Variants in ARHGAP28 observed in about 807,000 individuals in gnomAD.
ARHGAP28 encodes rho GTPase-activating protein 28.
A neutral mutation model predicts 90.7 loss-of-function variants in ARHGAP28; 56 were observed. The observed-to-expected ratio is 0.62, with a 90% CI of 0.50 to 0.77. The LOEUF (loss-of-function observed/expected upper bound fraction) is 0.77, where lower values mean the gene tolerates loss of function less well. ARHGAP28 is among the 30% of genes least tolerant of loss of function. The pLI, the probability that ARHGAP28 is intolerant of heterozygous loss-of-function variation, is 0.00. For synonymous variants in ARHGAP28, 308 were observed against 323.3 expected (o/e 0.95, Z 0.51); for missense variants, 869 against 900.9 (o/e 0.96, Z 0.45).
At chr18:6,897,366 T>G (rs961002369) in intron 16 of ARHGAP28, 4 of 152,258 alleles carry the variant, frequency 2.6e-5, no homozygotes, top group African/African-American at 9.6e-5. Context: ...CCATAGCTGT[T>G]ACTTTCCTTT....
intron 3 of ARHGAP28, among the ~76,000 whole-genome samples, chr18:6,845,511 A>G (rs959443445): frequency 6.6e-6 from 1 of 152,150 alleles, no homozygotes; most frequent in African/African-American, 2.4e-5. Flanking sequence ...TGCTGCACAG[A>G]TCAACCCATC....
chr18:6,909,521 G>A (rs112344934), intron 17 of ARHGAP28, among the ~76,000 whole-genome samples: 184 of 151,964 alleles, frequency 1.2e-3, no homozygotes, highest in African/African-American at 4.3e-3. Flanking sequence ...TCGAACTCCT[G>A]ACCTCAAGTG....
chr18:6,838,036 A>G (rs2056767799), intron 3 of ARHGAP28, among the ~76,000 whole-genome samples: 1 of 152,136 alleles, frequency 6.6e-6, no homozygotes, highest in South Asian at 2.1e-4. Flanking sequence ...CTATGTCTAC[A>G]TTTGTTTTAC....
At chr18:6,791,594 T>G (rs931842303) in intron 1 of ARHGAP28, 1 of 152,228 alleles carries the variant, frequency 6.6e-6, no homozygotes, top group Non-Finnish European at 1.5e-5. Context: ...AGAATTACCA[T>G]GCATGCTACA....
chr18:6,803,019 T>C (rs975431283), intron 1 of ARHGAP28, among the ~76,000 whole-genome samples: 2 of 152,140 alleles, frequency 1.3e-5, no homozygotes, highest in Non-Finnish European at 2.9e-5. Flanking sequence ...AATATAAATT[T>C]TTTATGATAT....
At chr18:6,801,447 C>G (rs2056481198) in intron 1 of ARHGAP28, among the ~76,000 whole-genome samples, 1 of 152,080 alleles carries the variant, frequency 6.6e-6, no homozygotes, top group Non-Finnish European at 1.5e-5. Context: ...AGTGTGCTGA[C>G]TTTCTTCTTT....
intron 1 of ARHGAP28, among the ~76,000 whole-genome samples, chr18:6,765,916 G>A (rs1256522017): frequency 2.6e-5 from 4 of 151,934 alleles, no homozygotes; most frequent in Admixed American, 2.6e-4. Context: ...CAATCTTTGG[G>A]GATTTTCTGG....
chr18:6,780,344 T>C (rs2056314515), intron 1 of ARHGAP28, among the ~76,000 whole-genome samples: 1 of 152,090 alleles, frequency 6.6e-6, no homozygotes, highest in African/African-American at 2.4e-5. Context: ...AAAATACAAA[T>C]TAAAAAACCA....
intron 10 of ARHGAP28, among the ~76,000 whole-genome samples, chr18:6,877,503 A>G (rs1217595483): frequency 6.6e-6 from 1 of 152,208 alleles, no homozygotes; most frequent in Admixed American, 6.5e-5. Context: ...AGGGGCCCAC[A>G]GCTGGGAGAG....
intron 3 of ARHGAP28, among the ~76,000 whole-genome samples, chr18:6,841,203 C>CTCTCCTCTCTCTCTCT (rs754874496): frequency 4.8e-5 from 2 of 41,978 alleles, no homozygotes; most frequent in Admixed American, 2.9e-4. Flanking sequence ...CTCTCTCTCT[C>CTCTCCTCTCTCTCTCT]CTCTCCTCTC....
chr18:6,832,526 C>T (rs914452364), intron 2 of ARHGAP28, among the ~76,000 whole-genome samples: 2 of 152,022 alleles, frequency 1.3e-5, no homozygotes, highest in East Asian at 1.9e-4. Flanking sequence ...GTGTATTTGT[C>T]TATTTTTTCC....
intron 9 of ARHGAP28, among the ~76,000 whole-genome samples, chr18:6,875,787 T>G (rs2057126494): frequency 6.6e-6 from 1 of 152,220 alleles, no homozygotes; most frequent in Non-Finnish European, 1.5e-5. Context: ...CTCTTGTTAC[T>G]GATCAGTCTG....
chr18:6,914,700 C>T lies in ARHGAP28; in HGVS notation c.*2546C>T, dbSNP rs1417543711. 1.3e-5 allele frequency: 2 copies of T among 152,096 alleles called. No homozygotes were observed. The highest frequency in any genetic ancestry group is 4.8e-5 in the African/African-American group (2 of 41,426). 9.4% of individuals were successfully genotyped at this position (152,096 alleles called of 1,614,324 possible). On this transcript the variant is annotated 3_prime_UTR_variant, in exon 18 of 18. Transcript: ENST00000383472. ...CTACATGCTATCCTTAAGAGCTTCTCCCCCTCACCCATTCCTAGTGCTCTT... is the reference window on the plus strand; with the variant it reads ...CTACATGCTATCCTTAAGAGCTTCTTCCCCTCACCCATTCCTAGTGCTCTT...
chr18:6,761,392 T>C (rs558744099), intron 1 of ARHGAP28, among the ~76,000 whole-genome samples: 9 of 152,342 alleles, frequency 5.9e-5, no homozygotes, highest in Non-Finnish European at 8.8e-5. Flanking sequence ...GCTTGGGTCT[T>C]GGATATTCAC....
chr18:6,886,262 T>C (rs2057220405), intron 11 of ARHGAP28, among the ~76,000 whole-genome samples: 1 of 152,130 alleles, frequency 6.6e-6, no homozygotes, highest in Non-Finnish European at 1.5e-5. Context: ...TTCCAGAACA[T>C]AATGCTTTCC....
chr18:6,757,092 G>A (rs1355928347), intron 1 of ARHGAP28, among the ~76,000 whole-genome samples: 1 of 152,102 alleles, frequency 6.6e-6, no homozygotes, highest in Non-Finnish European at 1.5e-5. Context: ...TCACACTTGG[G>A]TCTTGACAGT....
intron 1 of ARHGAP28, among the ~76,000 whole-genome samples, chr18:6,739,130 C>T (rs968639034): frequency 6.6e-6 from 1 of 152,152 alleles, no homozygotes; most frequent in Non-Finnish European, 1.5e-5. Flanking sequence ...GATTCCAACC[C>T]GGTCTCCTCT....
At chr18:6,794,211 C>G (rs1164760883) in intron 1 of ARHGAP28, among the ~76,000 whole-genome samples, 1 of 152,180 alleles carries the variant, frequency 6.6e-6, no homozygotes, top group East Asian at 1.9e-4. Context: ...TTTTGATCCT[C>G]CCCACAAATT....
chr18:6,896,356 G>T, intron 15 of ARHGAP28, 146 bp from the exon 16 acceptor site: 1 of 919,266 alleles, frequency 1.1e-6, no homozygotes. Context: ...GAGAAAGAAA[G>T]TAATGTTCCA....
Sources: gnomAD v4.1 joint callset for allele counts (sites outside exome capture counted in the v4.1 genomes callset) on GRCh38, gnomAD v4.1.1 for gene constraint, MANE v1.5 for transcripts, NCBI Gene and HGNC (gene_info 2026-07-23, HGNC 2026-07-21) for gene names.